Variants in AXL observed in about 807,000 individuals in gnomAD.
AXL encodes tyrosine-protein kinase receptor UFO.
In AXL, 52 loss-of-function variants were observed where a neutral mutation model predicts 104.5. The ratio of observed to expected loss-of-function variants is 0.50; its 90% confidence interval spans 0.40 to 0.63. The LOEUF (loss-of-function observed/expected upper bound fraction) is 0.63, where lower values mean the gene tolerates loss of function less well. AXL is among the 20% of genes least tolerant of loss of function. The pLI is 0.00. For missense variants in AXL, 1,024 were observed against 1,188.5 expected (o/e 0.86, Z 2.04); for synonymous variants, 455 against 473.7 (o/e 0.96, Z 0.51).
chr19:41,225,564 G>A (rs1000788072), intron 4 of AXL, among the ~76,000 whole-genome samples: 1 of 152,202 alleles, frequency 6.6e-6, no homozygotes, highest in Non-Finnish European at 1.5e-5. Context: ...CATCAGCCTA[G>A]ATGTACATTG....
chr19:41,248,846 C>G, intron 14 of AXL, 26 bp downstream of exon 14: 2 of 1,567,382 alleles, frequency 1.3e-6, no homozygotes, highest in Non-Finnish European at 1.7e-6. Flanking sequence ...ATGTGTAGGA[C>G]CCCCAGCTCC....
At chr19:41,231,692 C>T (rs1157276369) in intron 6 of AXL, among the ~76,000 whole-genome samples, 3 of 152,038 alleles carry the variant, frequency 2.0e-5, no homozygotes, top group South Asian at 2.1e-4. Context: ...TTTGGGAGGC[C>T]GAGGTGGGCG....
chr19:41,243,825 A>C (rs951718431), intron 12 of AXL, 118 bp downstream of exon 12: 2 of 782,410 alleles, frequency 2.6e-6, no homozygotes, highest in Non-Finnish European at 4.4e-6. Context: ...GGGATACTAG[A>C]ATGTCAGAAC....
chr19:41,256,080 G>GGGGTGTGTGTGTGTGTGTGTGTGTGTGT (rs71334980), intron 17 of AXL, among the ~76,000 whole-genome samples: 8 of 150,618 alleles, frequency 5.3e-5, no homozygotes, highest in African/African-American at 1.9e-4. Flanking sequence ...TGGTTACATG[G>GGGGTGTGTGTGTGTGTGTGTGTGTGTGT]GTGTGTGTGT....
Position 41,238,090 on chromosome 19 carries a change from A to T in AXL, c.930A>T (p.Ala310=). Residue 310 remains alanine, a synonymous_variant, in exon 7 of 20, where the codon GCA becomes GCT. Transcript: ENST00000301178. ...HPHTPYHIRV[A]CTSSQGPSSW... ...ACACCCCTTATCACATCCGCGTGGC[A>T]TGCACCAGCAGCCAGGGCCCCTCAT... The T allele has an allele frequency of 6.2e-7, 1 of 1,613,712 alleles. No individual in the cohort carries two copies. The highest frequency in any genetic ancestry group is 8.5e-7 in the Non-Finnish European group (1 of 1,179,946).
At chr19:41,221,474 C>T in intron 3 of AXL, 1 of 528,602 alleles carries the variant, frequency 1.9e-6, no homozygotes, top group East Asian at 3.3e-5. Context: ...GGTGAAAAGA[C>T]TTCTTGGGGG....
At chr19:41,225,801 C>T (rs1286177905) in intron 4 of AXL, among the ~76,000 whole-genome samples, 1 of 152,132 alleles carries the variant, frequency 6.6e-6, no homozygotes, top group African/African-American at 2.4e-5. Context: ...GTGCTAATAA[C>T]AGCCCCTGTG....
intron 16 of AXL, 66 bp downstream of exon 16, chr19:41,253,033 C>A: frequency 6.4e-7 from 1 of 1,561,908 alleles, no homozygotes; most frequent in Non-Finnish European, 8.7e-7. Flanking sequence ...CCCAGTGCTG[C>A]TCAGACCCTG....
intron 18 of AXL, among the ~76,000 whole-genome samples, chr19:41,257,204 T>C (rs1462396458): frequency 6.6e-6 from 1 of 151,930 alleles, no homozygotes; most frequent in East Asian, 1.9e-4. Flanking sequence ...CCACCATGCC[T>C]AGCTAATTTT....
In AXL at chr19:41,237,925, C is replaced by T. The variant is rs1384198104; in HGVS notation, c.784-19C>T. The T allele has an allele frequency of 6.2e-7, 1 of 1,610,694 alleles. No individual in the cohort carries two copies. The highest frequency in any genetic ancestry group is 8.5e-7 in the Non-Finnish European group (1 of 1,177,000). On this transcript the variant is annotated intron_variant, in intron 6 of 19. Transcript: ENST00000301178. ...TGATTGCTTGGCTGTCCCGTCCTCA[C>T]ACCCTTGCCTCTCCTCAGGCTGTGC...
chr19:41,228,786 G>A (rs769188377), intron 4 of AXL, among the ~76,000 whole-genome samples: 1 of 152,152 alleles, frequency 6.6e-6, no homozygotes, highest in East Asian at 1.9e-4. Context: ...ATTCTAGTGG[G>A]AGAAACTGAC....
rs1375164094 is a variant in AXL at position 41,221,867 on chromosome 19, C to T, written c.410-13C>T. 6.2e-7 allele frequency: 1 copy of T among 1,612,480 alleles called. No individual in the cohort carries two copies. The highest frequency in any genetic ancestry group is 1.3e-5 in the African/African-American group (1 of 74,976). On this transcript the variant is annotated splice_polypyrimidine_tract_variant and intron_variant, in intron 3 of 19. Transcript: ENST00000301178. ...AGAGGGACCCCAGCCTCTACCACTG[C>T]CCACCCCGCTAGGCTTGCCTTACTT...
intron 8 of AXL, 95 bp from the exon 9 acceptor site, chr19:41,239,069 C>A: frequency 7.1e-7 from 1 of 1,410,430 alleles, no homozygotes; most frequent in Non-Finnish European, 9.8e-7. Context: ...ATGGGGAGAG[C>A]GTTTTGAGAA....
At chr19:41,227,454 G>A (rs2033901781) in intron 4 of AXL, among the ~76,000 whole-genome samples, 3 of 149,666 alleles carry the variant, frequency 2.0e-5, no homozygotes, top group Admixed American at 2.0e-4. Context: ...TGGCCTATCC[G>A]AATTGCAGCC....
In AXL at chr19:41,243,664, C is replaced by T; in HGVS notation, c.1494C>T (p.Tyr498=). ...TVERGELVVR[Y]RVRKSYSRRT... is the part of the protein sequence containing the mutation. The stretch of plus-strand genomic sequence containing the variant: ...AAAGAGGTGAACTGGTAGTCAGGTA[C>T]CGCGTGCGCAAGTCCTACAGTCGTC... The change falls in exon 12 of 20, where the codon TAC becomes TAT. Residue 498 remains tyrosine, a synonymous_variant. Transcript: ENST00000301178. 6.2e-7 allele frequency: 1 copy of T among 1,614,078 alleles called. No homozygotes were observed.
At position 41,220,719 on chromosome 19, in the gene AXL, C is replaced by A. The variant is rs1411501761; in HGVS notation, c.169C>A (p.Gln57Lys). 2 of 1,613,826 alleles carry A rather than the reference C, an allele frequency of 1.2e-6. No homozygotes were observed. Among genetic ancestry groups the A allele is most frequent in the African/African-American group, 2.7e-5 (2 of 74,932 alleles). Residue 57 changes from glutamine to lysine, a missense_variant, in exon 2 of 20, where the codon CAG becomes AAG. Physicochemically the swap from Gln to Lys is moderately conservative, Grantham distance 53. Coordinates refer to ENST00000301178, the MANE Select transcript of AXL (RefSeq NM_021913.5). ...ARGLTGTLRCQLQVQGEPPEV... is the reference protein window; with the variant it reads ...ARGLTGTLRCKLQVQGEPPEV... ...GGGACTCACGGGCACCCTTCGGTGTCAGCTCCAGGTTCAGGGAGAGCCCCC... is the reference window on the plus strand; with the variant it reads ...GGGACTCACGGGCACCCTTCGGTGTAAGCTCCAGGTTCAGGGAGAGCCCCC...
rs1424162077 is a variant in AXL at position 41,260,104 on chromosome 19, C to T, written c.*200C>T. 3.8e-6 allele frequency: 2 copies of T among 532,702 alleles called. No individual in the cohort carries two copies. The highest frequency in any genetic ancestry group is 6.5e-6 in the Non-Finnish European group (2 of 305,888). 33.0% of individuals were successfully genotyped at this position (532,702 alleles called of 1,614,324 possible). A position where few individuals can be genotyped will look rare whatever the true frequency, so the allele number is the denominator to read the frequency against. ...ACCTTGAAAGCAGTAGCATCACCAT[C>T]TGTAAAAGGAAGGGGTTGGATTGCA... On this transcript the variant is annotated 3_prime_UTR_variant, in exon 20 of 20. Transcript: ENST00000301178.
chr19:41,233,013 A>G (rs967419887), intron 6 of AXL, among the ~76,000 whole-genome samples: 2 of 151,528 alleles, frequency 1.3e-5, no homozygotes, highest in Non-Finnish European at 2.9e-5. Context: ...TTTTTGAGAC[A>G]GAGTCTCGCT....
At position 41,257,566 on chromosome 19, in the gene AXL, A is replaced by G. The variant is rs146263330; in HGVS notation, c.2270A>G (p.Glu757Gly). The G allele has an allele frequency of 2.4e-5, 39 of 1,614,178 alleles. No homozygotes were observed. The African/African-American group carries it at 5.2e-4, about 22-fold the overall frequency. ...CCATATCCGGGCGTGGAGAACAGCG[A>G]GATTTATGACTATCTGCGCCAGGGA... ...QTPYPGVENS[E>G]IYDYLRQGNR... Residue 757 changes from glutamate (E) to glycine (G), a missense_variant, in exon 19 of 20, where the codon GAG becomes GGG. Transcript: ENST00000301178.
Sources: gnomAD v4.1 joint callset for allele counts (sites outside exome capture counted in the v4.1 genomes callset) on GRCh38, gnomAD v4.1.1 for gene constraint, MANE v1.5 for transcripts, NCBI Gene and HGNC (gene_info 2026-07-23, HGNC 2026-07-21) for gene names.